Variants in C9orf85 observed in about 807,000 individuals in gnomAD.
C9orf85 encodes the protein chromosome 9 open reading frame 85, also known as uncharacterized protein C9orf85.
Under a neutral mutation model 14.9 loss-of-function variants are expected in C9orf85, and 16 were observed. The observed-to-expected ratio is 1.08, with a 90% CI of 0.73 to 1.63. The LOEUF (loss-of-function observed/expected upper bound fraction) is 1.63. Among genes scored for constraint, C9orf85 ranks in the 40% most tolerant of loss-of-function variants. C9orf85 has a pLI of 0.00. For synonymous variants in C9orf85, 45 were observed against 56.8 expected (o/e 0.79, Z 0.93); for missense variants, 172 against 186.1 (o/e 0.92, Z 0.44).
intron 2 of C9orf85, among the ~76,000 whole-genome samples, chr9:71,959,979 A>G (rs1241206485): frequency 6.6e-6 from 1 of 152,238 alleles, no homozygotes; most frequent in Non-Finnish European, 1.5e-5. Context: ...AAGATAGCAA[A>G]TGAATCTGTG....
At chr9:71,914,963 C>T (rs983977924) in intron 1 of C9orf85, among the ~76,000 whole-genome samples, 4 of 152,078 alleles carry the variant, frequency 2.6e-5, no homozygotes, top group Non-Finnish European at 5.9e-5. Context: ...ATCAAGGCAG[C>T]CTTCTTTCCC....
rs554888314 is a variant in C9orf85, at chr9:71,937,808, GAT to G, written c.103-9193_103-9192del. Among the ~76,000 whole-genome samples the G allele has an allele frequency of 3.7e-3, 561 of 152,172 alleles. 3 individuals carry two copies. Among genetic ancestry groups the G allele is most frequent in the African/African-American group, 0.013 (522 of 41,518 alleles). ...AAAAATCAAATATTACTGAAATATT[GAT>G]ATATGTGTGCATATCAGGTTTTTTA... On this transcript the variant is annotated intron_variant, in intron 1 of 3. Transcript: ENST00000334731.
intron 3 of C9orf85, among the ~76,000 whole-genome samples, chr9:71,980,258 C>T (rs1823074206): frequency 6.6e-6 from 1 of 152,126 alleles, no homozygotes; most frequent in East Asian, 1.9e-4. Context: ...AAGTGATCCA[C>T]CCATCTCAGC....
chr9:71,942,082 A>G (rs573058374), intron 1 of C9orf85: 2 of 152,226 alleles, frequency 1.3e-5, no homozygotes, highest in African/African-American at 4.8e-5. Context: ...TTTATTGAAG[A>G]TGGCCTTATT....
intron 1 of C9orf85, among the ~76,000 whole-genome samples, chr9:71,916,340 G>C (rs1000996072): frequency 6.6e-6 from 1 of 151,764 alleles, no homozygotes; most frequent in Non-Finnish European, 1.5e-5. Context: ...ATATTTCTTA[G>C]AGCCCCAAGG....
At chr9:71,985,340 A>G (rs1823190585), downstream of C9orf85, 1 of 152,218 alleles carries the variant, frequency 6.6e-6, no homozygotes. Flanking sequence ...AAATTGCTTC[A>G]ACTGTCTGGC....
At chr9:71,974,776 A>C (rs1822971920), downstream of C9orf85, among the ~76,000 whole-genome samples, 1 of 152,190 alleles carries the variant, frequency 6.6e-6, no homozygotes, top group African/African-American at 2.4e-5. Context: ...AATGGATTAG[A>C]ATTTCAGCAC....
chr9:71,982,346 C>T (rs999153587), intron 3 of C9orf85, among the ~76,000 whole-genome samples: 3 of 151,960 alleles, frequency 2.0e-5, no homozygotes, highest in African/African-American at 7.3e-5. Flanking sequence ...GTTGTGAACA[C>T]TTGCATGCAA....
intron 1 of C9orf85, among the ~76,000 whole-genome samples, chr9:71,920,667 C>A (rs1827775890): frequency 6.6e-6 from 1 of 152,168 alleles, no homozygotes; most frequent in African/African-American, 2.4e-5. Flanking sequence ...CCTCAGAACA[C>A]CCCAGCTGCC....
chr9:71,923,659 T>A (rs952558602), intron 1 of C9orf85, among the ~76,000 whole-genome samples: 1 of 152,228 alleles, frequency 6.6e-6, no homozygotes, highest in Non-Finnish European at 1.5e-5. Context: ...TTTCCCTCTG[T>A]GGTACTCAGC....
At chr9:71,968,895 A>G (rs1197954753) in intron 2 of C9orf85, among the ~76,000 whole-genome samples, 7 of 152,106 alleles carry the variant, frequency 4.6e-5, no homozygotes, top group African/African-American at 1.7e-4. Context: ...CAGAGCAGGG[A>G]TATGAGCCAG....
intron 2 of C9orf85, among the ~76,000 whole-genome samples, chr9:71,963,865 G>A (rs1407973483): frequency 3.3e-5 from 5 of 152,098 alleles, no homozygotes; most frequent in African/African-American, 4.8e-5. Context: ...CCCTACCAGC[G>A]CCACCCCCTG....
chr9:71,970,407 C>T (rs946945121), intron 2 of C9orf85, among the ~76,000 whole-genome samples: 1 of 152,174 alleles, frequency 6.6e-6, no homozygotes, highest in Non-Finnish European at 1.5e-5. Flanking sequence ...AGAATAAGTA[C>T]CTCACGATCC....
At chr9:71,935,627 C>G (rs1287209912) in intron 1 of C9orf85, among the ~76,000 whole-genome samples, 4 of 145,604 alleles carry the variant, frequency 2.7e-5, no homozygotes, top group Non-Finnish European at 6.0e-5. Flanking sequence ...CCCTGCCCCC[C>G]GACCCAAAAA....
At chr9:71,939,792 C>T (rs1287575473) in intron 1 of C9orf85, among the ~76,000 whole-genome samples, 1 of 152,054 alleles carries the variant, frequency 6.6e-6, no homozygotes, top group African/African-American at 2.4e-5. Context: ...GATCTGAATC[C>T]AGAAATAGAC....
At chr9:71,977,647 A>G (rs1433963531), downstream of C9orf85, among the ~76,000 whole-genome samples, 1 of 152,236 alleles carries the variant, frequency 6.6e-6, no homozygotes, top group African/African-American at 2.4e-5. Flanking sequence ...TTAACCTTTA[A>G]CACATCTTTG....
chr9:71,947,197 C>A, intron 2 of C9orf85, 85 bp downstream of exon 2: 1 of 863,172 alleles, frequency 1.2e-6, no homozygotes, highest in Non-Finnish European at 1.7e-6. Context: ...AAATTGTGTC[C>A]AAATAAATGT....
chr9:71,954,879 C>A (rs536502710), intron 2 of C9orf85, among the ~76,000 whole-genome samples: 139 of 152,288 alleles, frequency 9.1e-4, no homozygotes, highest in African/African-American at 3.2e-3. Context: ...GGTTCACACA[C>A]CTCTGACAGT....
downstream of C9orf85, among the ~76,000 whole-genome samples, chr9:71,974,083 C>G (rs1345565581): frequency 1.3e-5 from 2 of 151,526 alleles, no homozygotes; most frequent in African/African-American, 4.8e-5. Flanking sequence ...CCCGCCACCA[C>G]GCCCAGCTGA....
Sources: allele counts gnomAD v4.1 joint callset (sites outside exome capture counted in the v4.1 genomes callset), GRCh38; gene constraint gnomAD v4.1.1; transcripts MANE v1.5; gene names NCBI Gene and HGNC (gene_info 2026-07-23, HGNC 2026-07-21).